MYO1E: variants seen among roughly 807,000 people sequenced by gnomAD.
MYO1E encodes the protein myosin IE, also known as unconventional myosin-Ie.
Under a neutral mutation model 151.1 loss-of-function variants are expected in MYO1E, and 68 were observed. That is an observed-to-expected ratio of 0.45 (90% CI 0.37 to 0.55). The LOEUF (loss-of-function observed/expected upper bound fraction) is 0.55. MYO1E is among the 20% of genes least tolerant of loss of function. The probability of loss-of-function intolerance (pLI) is 0.00; values close to 1 mark genes in which losing one functional copy is unlikely to be tolerated. For synonymous variants in MYO1E, 601 were observed against 501.7 expected, an observed-to-expected ratio of 1.20 and a Z score of -2.64; for missense variants, 1,363 against 1,389.3, an observed-to-expected ratio of 0.98 and a Z score of 0.30.
chr15:59,289,826 T>C (rs2080408531), intron 1 of MYO1E, among the ~76,000 whole-genome samples: 1 of 152,214 alleles, frequency 6.6e-6, no homozygotes, highest in Non-Finnish European at 1.5e-5. Context: ...TGGACATGGT[T>C]GGGTCACACC....
At chr15:59,340,267 G>A (rs1224501287) in intron 1 of MYO1E, among the ~76,000 whole-genome samples, 1 of 152,048 alleles carries the variant, frequency 6.6e-6, no homozygotes, top group African/African-American at 2.4e-5. Flanking sequence ...CCATGATCGT[G>A]CCACTGAACT....
intron 2 of MYO1E, among the ~76,000 whole-genome samples, chr15:59,262,850 T>C (rs2080232137): frequency 3.3e-5 from 5 of 152,194 alleles, no homozygotes. Context: ...TATGATCACA[T>C]GAAAAATATT....
chr15:59,354,558 T>C (rs2080843338), intron 1 of MYO1E, among the ~76,000 whole-genome samples: 1 of 152,166 alleles, frequency 6.6e-6, no homozygotes, highest in African/African-American at 2.4e-5. Context: ...GCTGCCTCCA[T>C]GCCAGGTGGG....
chr15:59,202,428 T>C lies in MYO1E; in HGVS notation c.1617-21A>G, dbSNP rs1450279739. The C allele has an allele frequency of 1.9e-6, 3 of 1,605,072 alleles. No individual in the cohort carries two copies. The Admixed American group carries it at 5.0e-5, about 27-fold the overall frequency. On this transcript the variant is annotated intron_variant, in intron 15 of 27. Transcript: ENST00000288235. ...AAGGCCTGGAAAAGGAGAAAGAGAA[T>C]GAATTAACAATCTGTAAGTACCTCT...
chr15:59,309,852 G>A (rs186207264), intron 1 of MYO1E, among the ~76,000 whole-genome samples: 39 of 152,086 alleles, frequency 2.6e-4, no homozygotes, highest in African/African-American at 8.9e-4. Context: ...ATAGGCCTTC[G>A]TATATACTGA....
At chr15:59,293,365 G>A (rs2080430826) in intron 1 of MYO1E, among the ~76,000 whole-genome samples, 1 of 152,004 alleles carries the variant, frequency 6.6e-6, no homozygotes, top group South Asian at 2.1e-4. Flanking sequence ...GGCCAACATG[G>A]TGAAACCCCA....
chr15:59,312,855 T>TAAA (rs1358527431), intron 1 of MYO1E, among the ~76,000 whole-genome samples: 1 of 145,884 alleles, frequency 6.9e-6, no homozygotes, highest in East Asian at 2.4e-4. Flanking sequence ...CCGACTCTAC[T>TAAA]AAAAATAATA....
At chr15:59,149,904 C>T (rs951154716) in intron 26 of MYO1E, among the ~76,000 whole-genome samples, 69 of 152,208 alleles carry the variant, frequency 4.5e-4, no homozygotes, top group African/African-American at 1.6e-3. Context: ...CCTAAAATTC[C>T]CTGCATGCTT....
intron 26 of MYO1E, among the ~76,000 whole-genome samples, chr15:59,152,456 A>G (rs1350042664): frequency 6.6e-6 from 1 of 152,172 alleles, no homozygotes; most frequent in Non-Finnish European, 1.5e-5. Context: ...TACTAGCTTT[A>G]GCAGACAGAG....
rs1163033654 is a variant in MYO1E, at chr15:59,159,152, C to T, written c.2786-773G>A. Among the ~76,000 whole-genome samples the T allele has an allele frequency of 6.6e-6, 1 of 152,182 alleles. No homozygotes were observed. The highest frequency in any genetic ancestry group is 2.4e-5 in the African/African-American group (1 of 41,432). On this transcript the variant is annotated intron_variant, in intron 24 of 27. Coordinates refer to ENST00000288235, the MANE Select transcript of MYO1E (RefSeq NM_004998.4). This position sits in a 1 kb window ranked among gnomAD's most constrained non-coding sequence, Gnocchi z 4.4. ...GAAGGGTAGGAGGTGACAAGGTGCA[C>T]AGTGCAAACACAGCAAAGGAGCTGC...
chr15:59,139,231 CCATCCCTCAT>C, intron 26 of MYO1E, among the ~76,000 whole-genome samples: 1 of 151,102 alleles, frequency 6.6e-6, no homozygotes, highest in African/African-American at 2.4e-5. Context: ...GACTTCCCTC[CCATCCCTCAT>C]TATTACTCCT....
At chr15:59,310,787 C>T (rs762547215) in intron 1 of MYO1E, among the ~76,000 whole-genome samples, 1 of 150,882 alleles carries the variant, frequency 6.6e-6, no homozygotes, top group Admixed American at 6.6e-5. Context: ...TGCCCAAATT[C>T]CTCTGCTTCA....
chr15:59,231,798 C>T lies in MYO1E; in HGVS notation c.421-7G>A, dbSNP rs1253346770. 111 of 1,613,938 alleles carry T rather than the reference C, an allele frequency of 6.9e-5. No homozygotes were observed. Among genetic ancestry groups the T allele is most frequent in the Non-Finnish European group, 9.2e-5 (108 of 1,179,926 alleles). ...GGATAATGTCCTTCACGTGCTGTCCCAGCAAATAGACCGGAGGTTAGGAAG... is the reference window on the plus strand; with the variant it reads ...GGATAATGTCCTTCACGTGCTGTCCTAGCAAATAGACCGGAGGTTAGGAAG... On this transcript the variant is annotated splice_region_variant and splice_polypyrimidine_tract_variant and intron_variant, in intron 5 of 27. Coordinates refer to ENST00000288235, the MANE Select transcript of MYO1E (RefSeq NM_004998.4).
Position 59,160,336 on chromosome 15 carries a change from C to CGTGTGTGTGTGTGT in MYO1E, c.2785+723_2785+736dup, listed in dbSNP as rs55633634. ...AGTTAGACTGGGGTTTGAGGTAGTG[C>CGTGTGTGTGTGTGT]GTGTGTGTGTGTGTGTGTGTGTGTG... On this transcript the variant is annotated intron_variant, in intron 24 of 27. Coordinates refer to ENST00000288235, the MANE Select transcript of MYO1E (RefSeq NM_004998.4). 5.1e-4 allele frequency among the ~76,000 whole-genome samples: 61 copies of CGTGTGTGTGTGTGT among 120,150 alleles called. 2 individuals are homozygous for CGTGTGTGTGTGTGT. The highest frequency in any genetic ancestry group is 1.6e-3 in the African/African-American group (53 of 32,932). 78.8% of individuals were successfully genotyped at this position (120,150 alleles called of 152,430 possible). A position where few individuals can be genotyped will look rare whatever the true frequency, so the allele number is the denominator to read the frequency against.
At chr15:59,259,573 C>G (rs1320083896) in intron 3 of MYO1E, among the ~76,000 whole-genome samples, 2 of 152,108 alleles carry the variant, frequency 1.3e-5, no homozygotes, top group Non-Finnish European at 2.9e-5. Flanking sequence ...ACATTAATGA[C>G]TCTTTGAAAA....
intron 4 of MYO1E, among the ~76,000 whole-genome samples, chr15:59,254,779 T>G (rs1313039410): frequency 6.6e-6 from 1 of 152,122 alleles, no homozygotes; most frequent in African/African-American, 2.4e-5. Flanking sequence ...GATGAGAATA[T>G]GGATGCTTAT....
rs974488470 is a variant in MYO1E, at chr15:59,159,021, G to A, written c.2786-642C>T. Among the ~76,000 whole-genome samples the A allele has an allele frequency of 1.3e-5, 2 of 152,150 alleles. No individual in the cohort carries two copies. Among genetic ancestry groups the A allele is most frequent in the African/African-American group, 2.4e-5 (1 of 41,420 alleles). On this transcript the variant is annotated intron_variant, in intron 24 of 27. Coordinates refer to ENST00000288235, the MANE Select transcript of MYO1E (RefSeq NM_004998.4). This position sits in a 1 kb window ranked among gnomAD's most constrained non-coding sequence, Gnocchi z 4.4. The stretch of plus-strand genomic sequence containing the variant: ...TCTGCAGAGACATCTATGTGGGGAA[G>A]AAAAACAATAGGGTCTTGAATGGAA...
intron 1 of MYO1E, among the ~76,000 whole-genome samples, chr15:59,314,560 T>C (rs1253834930): frequency 6.6e-6 from 1 of 152,020 alleles, no homozygotes; most frequent in Non-Finnish European, 1.5e-5. Flanking sequence ...CCAGAAATGG[T>C]ATAATGGAAA....
chr15:59,268,726 T>TTTTTTTTTTTTTTTTTTTTTTTG (rs2080272386), intron 2 of MYO1E, among the ~76,000 whole-genome samples: 1 of 131,902 alleles, frequency 7.6e-6, no homozygotes, highest in Non-Finnish European at 1.6e-5. Flanking sequence ...TGGTATTTTT[T>TTTTTTTTTTTTTTTTTTTTTTTG]TTTTTTTTTT....
Sources: allele counts gnomAD v4.1 joint callset (sites outside exome capture counted in the v4.1 genomes callset), GRCh38; gene constraint gnomAD v4.1.1; non-coding constraint Gnocchi (gnomAD v3.1); transcripts MANE v1.5; gene names NCBI Gene and HGNC (gene_info 2026-07-23, HGNC 2026-07-21).